LRP1B: variants seen among roughly 807,000 people sequenced by gnomAD.
LRP1B encodes LDL receptor related protein 1B.
LRP1B carries 217 observed loss-of-function variants against 556.6 expected under a neutral mutation model. That is an observed-to-expected ratio of 0.39 (90% CI 0.35 to 0.44). LRP1B has a LOEUF of 0.44. Among genes scored for constraint, LRP1B ranks in the 20% least tolerant of loss-of-function variants. The pLI is 1.00. For synonymous variants in LRP1B, 2,047 were observed against 1,865.8 expected (o/e 1.10, Z -2.50); for missense variants, 5,053 against 5,620.8 (o/e 0.90, Z 3.23).
intron 3 of LRP1B, among the ~76,000 whole-genome samples, chr2:141,298,954 T>TAAAAA (rs10714514): frequency 8.1e-6 from 1 of 123,864 alleles, no homozygotes; most frequent in Non-Finnish European, 1.7e-5. Context: ...AACTCCATCT[T>TAAAAA]AAAAAAAAAA....
Position 141,895,517 on chromosome 2 carries a change from A to T in LRP1B, c.83-85116T>A, listed in dbSNP as rs563722395. Among the ~76,000 whole-genome samples the T allele has an allele frequency of 2.2e-4, 34 of 152,356 alleles. 1 individual carries two copies. The South Asian group carries it at 6.6e-3, about 30-fold the overall frequency. The stretch of plus-strand genomic sequence containing the variant: ...GAAAATATGACTGTGGGTCAAATTC[A>T]CAATGTGTTCCTGAATAGCAGAACA... On this transcript the variant is annotated intron_variant, in intron 1 of 90. Transcript: ENST00000389484.
intron 60 of LRP1B, among the ~76,000 whole-genome samples, chr2:140,470,041 C>A (rs1573974363): frequency 6.6e-6 from 1 of 152,214 alleles, no homozygotes; most frequent in East Asian, 1.9e-4. Context: ...AGAGGATGAC[C>A]CCTGTTCTTG....
At chr2:140,615,924 T>A (rs972406903) in intron 41 of LRP1B, among the ~76,000 whole-genome samples, 1 of 152,194 alleles carries the variant, frequency 6.6e-6, no homozygotes. Context: ...TCTCTACATA[T>A]TCTTAGTCAG....
intron 2 of LRP1B, among the ~76,000 whole-genome samples, chr2:141,688,641 A>G (rs565338665): frequency 6.6e-6 from 1 of 151,994 alleles, no homozygotes; most frequent in South Asian, 2.1e-4. Context: ...AAGTCAAACA[A>G]TTGGTAAGTA....
chr2:141,035,580 G>A (rs182449217), intron 11 of LRP1B, among the ~76,000 whole-genome samples: 1 of 151,020 alleles, frequency 6.6e-6, no homozygotes, highest in East Asian at 2.0e-4. Context: ...TATTTTTGTA[G>A]ATAAATAGAA....
At chr2:141,467,204 T>C (rs531648343) in intron 3 of LRP1B, among the ~76,000 whole-genome samples, 10 of 151,198 alleles carry the variant, frequency 6.6e-5, no homozygotes, top group African/African-American at 2.5e-4. Context: ...GGGGGAATTA[T>C]AGCAGTCAGA....
intron 18 of LRP1B, among the ~76,000 whole-genome samples, chr2:140,976,367 AC>A (rs1696598712): frequency 6.6e-6 from 1 of 152,102 alleles, no homozygotes; most frequent in Admixed American, 6.6e-5. Context: ...TACAAGTAAG[AC>A]TACAAGTACA....
At position 142,125,741 on chromosome 2, in the gene LRP1B, CA is replaced by C. The variant is rs1707621920; in HGVS notation, c.82+4906del. Among the ~76,000 whole-genome samples the C allele has an allele frequency of 4.0e-5, 6 of 151,896 alleles. No homozygotes were observed. In the South Asian group the frequency reaches 1.2e-3, roughly 31 times the overall value. On this transcript the variant is annotated intron_variant, in intron 1 of 90. Coordinates refer to ENST00000389484, the MANE Select transcript of LRP1B (RefSeq NM_018557.3). ...CAGGTTAAATTTGGGAATAGCTATC[CA>C]TGTGAAAATGTATAGCAACTCCACA...
At chr2:141,612,674 T>TACTATAGG (rs1688147136) in intron 2 of LRP1B, among the ~76,000 whole-genome samples, 1 of 152,156 alleles carries the variant, frequency 6.6e-6, no homozygotes, top group African/African-American at 2.4e-5. Context: ...TCTGAAAGAT[T>TACTATAGG]CTTCACATTA....
intron 7 of LRP1B, among the ~76,000 whole-genome samples, chr2:141,098,746 C>T (rs986857510): frequency 6.6e-6 from 1 of 152,200 alleles, no homozygotes; most frequent in Non-Finnish European, 1.5e-5. Context: ...AAACCTCTGC[C>T]TCCCAGGTTC....
chr2:141,576,707 T>C (rs2105272205), intron 2 of LRP1B, among the ~76,000 whole-genome samples: 1 of 141,424 alleles, frequency 7.1e-6, no homozygotes, highest in Admixed American at 7.4e-5. Context: ...TGAGGTATAA[T>C]CCTGCTACTG....
intron 37 of LRP1B, among the ~76,000 whole-genome samples, chr2:140,710,836 A>G (rs956398360): frequency 4.6e-5 from 7 of 152,114 alleles, no homozygotes; most frequent in African/African-American, 1.7e-4. Context: ...CCTGTGTAAC[A>G]ACAGAAGCTG....
intron 2 of LRP1B, among the ~76,000 whole-genome samples, chr2:141,627,204 C>T (rs1473832508): frequency 1.3e-5 from 2 of 152,174 alleles, no homozygotes; most frequent in African/African-American, 4.8e-5. Context: ...GAAAAGGCTA[C>T]ATACTGTTGA....
At chr2:140,428,200 C>T (rs192400914) in intron 66 of LRP1B, among the ~76,000 whole-genome samples, 54 of 152,260 alleles carry the variant, frequency 3.5e-4, no homozygotes, top group African/African-American at 1.2e-3. Flanking sequence ...AAATTCTGGC[C>T]CTCAAACCCC....
intron 66 of LRP1B, among the ~76,000 whole-genome samples, chr2:140,410,000 C>T (rs145515257): frequency 8.3e-4 from 126 of 152,058 alleles, no homozygotes; most frequent in African/African-American, 2.9e-3. Context: ...TGGTTGCCTT[C>T]GCCATAAAAC....
chr2:141,690,302 G>C (rs1249855774), intron 2 of LRP1B, among the ~76,000 whole-genome samples: 1 of 148,622 alleles, frequency 6.7e-6, no homozygotes, highest in African/African-American at 2.5e-5. Context: ...TGAATTTTTA[G>C]TACATGCTGT....
intron 41 of LRP1B, among the ~76,000 whole-genome samples, chr2:140,602,117 C>G (rs902675018): frequency 1.3e-5 from 2 of 151,972 alleles, no homozygotes; most frequent in African/African-American, 2.4e-5. Context: ...CAAAATCTAA[C>G]TCCTTACTTG....
At chr2:142,099,293 C>G (rs1706490085) in intron 1 of LRP1B, among the ~76,000 whole-genome samples, 1 of 151,784 alleles carries the variant, frequency 6.6e-6, no homozygotes, top group Admixed American at 6.6e-5. Flanking sequence ...GCTTTACCTT[C>G]AAAGAGTTTA....
rs925039456 is a variant in LRP1B at position 140,604,072 on chromosome 2, A to G, written c.6800-2433T>C. Among the ~76,000 whole-genome samples, 6 of 152,078 alleles carry G rather than the reference A, an allele frequency of 3.9e-5. No individual in the cohort carries two copies. In the East Asian group the frequency reaches 1.2e-3, roughly 29 times the overall value. On this transcript the variant is annotated intron_variant, in intron 41 of 90. Coordinates refer to ENST00000389484, the MANE Select transcript of LRP1B (RefSeq NM_018557.3). ...GAAGGCAATTATGTAGTTTGAAAAT[A>G]AAATAAAATGCCTATCTACCCAACC...
Sources: allele counts gnomAD v4.1 joint callset (sites outside exome capture counted in the v4.1 genomes callset), GRCh38; gene constraint gnomAD v4.1.1; transcripts MANE v1.5; gene names NCBI Gene and HGNC (gene_info 2026-07-23, HGNC 2026-07-21).